Variants in ZFP64 observed in about 807,000 individuals in gnomAD.
ZFP64 encodes zinc finger protein 64.
In ZFP64, 14 loss-of-function variants were observed where a neutral mutation model predicts 51.6. The ratio of observed to expected loss-of-function variants is 0.27; its 90% CI spans 0.18 to 0.42. ZFP64 has a LOEUF of 0.42. ZFP64 is among the 10% of genes least tolerant of loss of function. ZFP64 has a pLI of 1.00. For missense variants in ZFP64, 754 were observed against 906.8 expected (o/e 0.83, Z 2.16); for synonymous variants, 375 against 361.4 (o/e 1.04, Z -0.43).
At position 52,152,062 on chromosome 20, in the gene ZFP64, A is replaced by G. The variant is rs1980848950; in HGVS notation, c.*84T>C. ...AAAAACAAAACAAAACAAAGAAAAC[A>G]TTAAGAGCAAACCTTTTAGAGAATT... is the stretch of plus-strand genomic sequence containing the variant. On this transcript the variant is annotated 3_prime_UTR_variant, in exon 6 of 6. Transcript: ENST00000216923. 21 of 1,505,894 alleles carry G rather than the reference A, an allele frequency of 1.4e-5. No homozygotes were observed. Among genetic ancestry groups the G allele is most frequent in the Non-Finnish European group, 1.7e-5 (19 of 1,129,514 alleles). 93.3% of individuals were successfully genotyped at this position (1,505,894 alleles called of 1,614,324 possible).
At chr20:52,142,386 A>ACACACACGCGCACG (rs776498875) in intron 5 of ZFP64, among the ~76,000 whole-genome samples, 1 of 141,868 alleles carries the variant, frequency 7.0e-6, no homozygotes, top group African/African-American at 2.8e-5. Context: ...AGACACACAC[A>ACACACACGCGCACG]CACACACACA....
rs561403839 is a variant in ZFP64, at chr20:52,165,677, G to A, written c.448+187C>T. On this transcript the variant is annotated intron_variant, in intron 3 of 5. Transcript: ENST00000216923. ...GCTAGAAAAGTCTTAGAACCCAGAGGCAGAATGACCACAGACAGTGGGAGA... is the reference window on the plus strand; with the variant it reads ...GCTAGAAAAGTCTTAGAACCCAGAGACAGAATGACCACAGACAGTGGGAGA... 9 of 804,148 alleles carry A rather than the reference G, an allele frequency of 1.1e-5. No individual in the cohort carries two copies. In the African/African-American group the frequency reaches 1.2e-4, roughly 11 times the overall value. 49.8% of individuals were successfully genotyped at this position (804,148 alleles called of 1,614,324 possible). A position where few individuals can be genotyped will look rare whatever the true frequency, so the allele number is the denominator to read the frequency against.
At chr20:52,157,833 T>A (rs972902052) in intron 5 of ZFP64, among the ~76,000 whole-genome samples, 2 of 152,108 alleles carry the variant, frequency 1.3e-5, no homozygotes, top group African/African-American at 4.8e-5. Flanking sequence ...TCCCACCCCT[T>A]GACAGGCCCC....
chr20:52,167,585 T>C (rs1386670709), intron 2 of ZFP64, among the ~76,000 whole-genome samples: 5 of 142,996 alleles, frequency 3.5e-5, no homozygotes, highest in African/African-American at 7.6e-5. Flanking sequence ...TTCCTTCCTC[T>C]CCTCCTCTTT....
At chr20:52,096,890 G>C (rs531571195) in intron 7 of ZFP64, 1 of 353,640 alleles carries the variant, frequency 2.8e-6, no homozygotes, top group East Asian at 7.4e-5. Flanking sequence ...CTCTGTCTCA[G>C]AGAAAAAAAC....
intron 5 of ZFP64, among the ~76,000 whole-genome samples, chr20:52,144,602 A>AAAAAAAAAAAAAAAAAAAG (rs1980431158): frequency 6.9e-6 from 1 of 145,126 alleles, no homozygotes; most frequent in Non-Finnish European, 1.5e-5. Context: ...AAAAAAAAAA[A>AAAAAAAAAAAAAAAAAAAG]TGCTGAAAGC....
chr20:52,127,163 G>C (rs1208099155), intron 5 of ZFP64, among the ~76,000 whole-genome samples: 1 of 152,084 alleles, frequency 6.6e-6, no homozygotes, highest in African/African-American at 2.4e-5. Context: ...TGTTGGCCAG[G>C]CTGGTCTCAA....
rs1241812244 is a variant in ZFP64 at position 52,101,550 on chromosome 20, A to AT, written c.764-2964dup. On this transcript the variant is annotated intron_variant, in intron 5 of 8. Coordinates refer to the ZFP64 transcript ENST00000361387. ...ACATGCCTAGTTTTTGTATTTTTGT[A>AT]TTTTTTTGTAGTTTTGTATTTTTTG... Among the ~76,000 whole-genome samples, 5 of 151,934 alleles carry AT rather than the reference A, an allele frequency of 3.3e-5. No homozygotes were observed. The East Asian group carries it at 9.7e-4, about 29-fold the overall frequency.
chr20:52,128,607 T>A (rs1179345995), intron 5 of ZFP64, among the ~76,000 whole-genome samples: 1 of 152,236 alleles, frequency 6.6e-6, no homozygotes, highest in Non-Finnish European at 1.5e-5. Flanking sequence ...TAACTTGTTA[T>A]TCTTGGAAAA....
exon 9 of ZFP64, chr20:52,084,682 G>C: frequency 1.2e-6 from 2 of 1,614,208 alleles, no homozygotes; most frequent in African/African-American, 1.3e-5. Flanking sequence ...TTCTCACTCT[G>C]ATCACTGTGC....
At position 52,160,980 on chromosome 20, in the gene ZFP64, C is replaced by T. The variant is rs888119292; in HGVS notation, c.512-606G>A. Among the ~76,000 whole-genome samples the T allele has an allele frequency of 6.6e-6, 1 of 151,724 alleles. No homozygotes were observed. The highest frequency in any genetic ancestry group is 1.5e-5 in the Non-Finnish European group (1 of 67,940). The stretch of plus-strand genomic sequence containing the variant: ...AGCAGGTGAGGGCAGGTGAGTGAGT[C>T]GGTGAGCGCAGGTGAGTGAGCAGGT... On this transcript the variant is annotated intron_variant, in intron 4 of 5. Transcript: ENST00000216923. The surrounding 1 kb of genome is among the most constrained non-coding windows in gnomAD (Gnocchi z 4.2).
At chr20:52,157,097 C>T (rs1369811870) in intron 5 of ZFP64, among the ~76,000 whole-genome samples, 2 of 152,140 alleles carry the variant, frequency 1.3e-5, no homozygotes, top group African/African-American at 2.4e-5. Flanking sequence ...AGAAACTAGT[C>T]TCAGAGTGAA....
chr20:52,174,533 C>T (rs1983026534), intron 2 of ZFP64, among the ~76,000 whole-genome samples: 1 of 148,426 alleles, frequency 6.7e-6, no homozygotes, highest in Non-Finnish European at 1.5e-5. Flanking sequence ...AAACTAGGAT[C>T]ATGGCTTAAA....
chr20:52,084,880 C>T, exon 9 of ZFP64: 1 of 1,613,736 alleles, frequency 6.2e-7, no homozygotes, highest in Middle Eastern at 1.6e-4. Flanking sequence ...ACGTGCTTGG[C>T]CAGGCTGCTG....
intron 5 of ZFP64, among the ~76,000 whole-genome samples, chr20:52,101,055 TTC>T (rs774449741): frequency 3.3e-5 from 5 of 152,248 alleles, no homozygotes; most frequent in Admixed American, 6.5e-5. Flanking sequence ...ATTGTCATGA[TTC>T]TGTTTGCATG....
chr20:52,144,872 A>T (rs1330224594), intron 5 of ZFP64, among the ~76,000 whole-genome samples: 1 of 152,124 alleles, frequency 6.6e-6, no homozygotes, highest in African/African-American at 2.4e-5. Context: ...AGAGCAGAGT[A>T]AATGATGTTT....
At chr20:52,189,576 A>G (rs1984226871) in intron 1 of ZFP64, among the ~76,000 whole-genome samples, 1 of 151,532 alleles carries the variant, frequency 6.6e-6, no homozygotes, top group Admixed American at 6.6e-5. Flanking sequence ...CCTAGGTTCA[A>G]GCGATTCTCC....
In ZFP64 at chr20:52,151,387, T is replaced by A. The variant is rs1374499503; in HGVS notation, c.*759A>T. 2 of 985,396 alleles carry A rather than the reference T, an allele frequency of 2.0e-6. No homozygotes were observed. The highest frequency in any genetic ancestry group is 1.7e-5 in the African/African-American group (1 of 57,338). The allele number at this position is 985,396 out of a possible 1,614,324, so 61.0% of individuals were successfully genotyped here. On this transcript the variant is annotated 3_prime_UTR_variant, in exon 6 of 6. Transcript: ENST00000216923. ...CCATGTCATATTATGTAGAAAATGG[T>A]CCTTCATGCCAACAGACTTACATGT...
intron 8 of ZFP64, among the ~76,000 whole-genome samples, chr20:52,086,077 C>T (rs1302527698): frequency 6.6e-6 from 1 of 152,220 alleles, no homozygotes; most frequent in Non-Finnish European, 1.5e-5. Context: ...ATTCACTCCT[C>T]TTCTCCACAC....
Sources: allele counts gnomAD v4.1 joint callset (sites outside exome capture counted in the v4.1 genomes callset), GRCh38; gene constraint gnomAD v4.1.1; non-coding constraint Gnocchi (gnomAD v3.1); transcripts MANE v1.5; gene names NCBI Gene and HGNC (gene_info 2026-07-23, HGNC 2026-07-21).